Variants in RNASET2 observed in about 807,000 individuals in gnomAD.
RNASET2 encodes the protein ribonuclease T2.
In RNASET2, 28 loss-of-function variants were observed where a neutral mutation model predicts 33.9. The ratio of observed to expected loss-of-function variants is 0.83; its 90% CI spans 0.61 to 1.13. The LOEUF (loss-of-function observed/expected upper bound fraction) is 1.13, where lower values mean the gene tolerates loss of function less well. Ranked by LOEUF, RNASET2 falls within the 50% of genes most tolerant of loss-of-function variation. The probability of loss-of-function intolerance (pLI) is 0.00; values close to 1 mark genes in which losing one functional copy is unlikely to be tolerated. For missense variants in RNASET2, 330 were observed against 319.9 expected, an observed-to-expected ratio of 1.03 and a Z score of -0.24; for synonymous variants, 123 against 121.0, an observed-to-expected ratio of 1.02 and a Z score of -0.11.
rs1653675367 is a variant in RNASET2, at chr6:166,927,817, T to C, written c.*1771A>G. On this transcript the variant is annotated 3_prime_UTR_variant, in exon 9 of 9. Transcript: ENST00000508775. ...CCACTCCCTGAGGACGCAGAGCAAA[T>C]GCAGGAAATCACGCCCTTCCAGGTG... is the stretch of plus-strand genomic sequence containing the variant. Among the ~76,000 whole-genome samples, 1 of 147,920 alleles carries C rather than the reference T, an allele frequency of 6.8e-6. No individual in the cohort carries two copies. Among genetic ancestry groups the C allele is most frequent in the Non-Finnish European group, 1.5e-5 (1 of 67,534 alleles).
In RNASET2 at chr6:166,927,713, CAAAAAA is replaced by C. The variant is rs58837223; in HGVS notation, c.*1869_*1874del. Among the ~76,000 whole-genome samples, 2 of 47,342 alleles carry C rather than the reference CAAAAAA, an allele frequency of 4.2e-5. No individual in the cohort carries two copies. Among genetic ancestry groups the C allele is most frequent in the African/African-American group, 8.6e-5 (1 of 11,648 alleles). 31.1% of individuals were successfully genotyped at this position (47,342 alleles called of 152,430 possible). On this transcript the variant is annotated 3_prime_UTR_variant, in exon 9 of 9. Coordinates refer to ENST00000508775, the MANE Select transcript of RNASET2 (RefSeq NM_003730.6). ...TGATCCCTGTGTTCGCAAAATGACT[CAAAAAA>C]AAAAAAAAAAAAAAAAAGAATTGAC...
intron 8 of RNASET2, 43 bp downstream of exon 8, chr6:166,931,001 G>T: frequency 7.3e-7 from 1 of 1,376,318 alleles, no homozygotes; most frequent in Non-Finnish European, 1.0e-6. Flanking sequence ...AGTAGAACCT[G>T]TCTTCTTGAG....
intron 2 of RNASET2, among the ~76,000 whole-genome samples, chr6:166,949,475 T>C (rs1778930445): frequency 8.6e-6 from 1 of 116,716 alleles, no homozygotes; most frequent in Admixed American, 1.3e-4. Context: ...CACTCCAGCC[T>C]GGGTGATAGA....
chr6:166,930,572 CACACATGCACACACACA>C (rs1778399252), intron 8 of RNASET2, among the ~76,000 whole-genome samples: 4 of 144,810 alleles, frequency 2.8e-5, no homozygotes, highest in Admixed American at 2.7e-4. Context: ...AGAACATGCA[CACACATGCACACACACA>C]GCACATGCAC....
rs1264457753 is a variant in RNASET2, at chr6:166,925,514, GGTCCAGCCCTTGCCTCCCCC to G, written c.*4054_*4073del. 6.8e-6 allele frequency among the ~76,000 whole-genome samples: 1 copy of G among 147,706 alleles called. No homozygotes were observed. Among genetic ancestry groups the G allele is most frequent in the East Asian group, 2.0e-4 (1 of 4,902 alleles). ...TCCCCTGTCCAGCCCTCACCTCCCC[GGTCCAGCCCTTGCCTCCCCC>G]GTCCAGCCCTCACCTCCATCATGCA... On this transcript the variant is annotated 3_prime_UTR_variant, in exon 9 of 9. Coordinates refer to ENST00000508775, the MANE Select transcript of RNASET2 (RefSeq NM_003730.6).
At position 166,929,362 on chromosome 6, in the gene RNASET2, T is replaced by G; in HGVS notation, c.*226A>C. On this transcript the variant is annotated 3_prime_UTR_variant, in exon 9 of 9. Coordinates refer to ENST00000508775, the MANE Select transcript of RNASET2 (RefSeq NM_003730.6). ...TTAATAGAGAAAAAAAAAAACAATCTGTGAGCTTTATCCCAAGCACAAAAC... is the reference window on the plus strand; with the variant it reads ...TTAATAGAGAAAAAAAAAAACAATCGGTGAGCTTTATCCCAAGCACAAAAC... The G allele has an allele frequency of 1.7e-6, 1 of 591,590 alleles. No homozygotes were observed. The highest frequency in any genetic ancestry group is 2.0e-5 in the South Asian group (1 of 50,420). The allele number at this position is 591,590 out of a possible 1,614,324, so 36.6% of individuals were successfully genotyped here.
At chr6:166,954,020 C>T (rs913168976) in intron 1 of RNASET2, among the ~76,000 whole-genome samples, 1 of 152,266 alleles carries the variant, frequency 6.6e-6, no homozygotes, top group Non-Finnish European at 1.5e-5. Flanking sequence ...ATGAGACTAT[C>T]AATATGCTTA....
intron 4 of RNASET2, among the ~76,000 whole-genome samples, chr6:166,944,443 G>A (rs560181365): frequency 6.6e-6 from 1 of 151,522 alleles, no homozygotes; most frequent in South Asian, 2.1e-4. Flanking sequence ...CTGTGTGGGC[G>A]CAGCTCTGTC....
chr6:166,934,919 C>T (rs1315118979), intron 6 of RNASET2: 1 of 152,224 alleles, frequency 6.6e-6, no homozygotes, highest in Non-Finnish European at 1.5e-5. Flanking sequence ...ATAGAATTCA[C>T]TTATTAAAGT....
rs146779634 is a variant in RNASET2, at chr6:166,925,977, G to A, written c.*3611C>T. ...GTGTGATCTGGGAGCAGAGAGCCAT[G>A]GTTGGTTACGGAGAGTGGCACAAAC... On this transcript the variant is annotated 3_prime_UTR_variant, in exon 9 of 9. Transcript: ENST00000508775. 9.5e-4 allele frequency among the ~76,000 whole-genome samples: 144 copies of A among 152,338 alleles called. No homozygotes were observed. Among genetic ancestry groups the A allele is most frequent in the African/African-American group, 3.4e-3 (142 of 41,558 alleles).
chr6:166,944,738 A>C (rs910927334), intron 4 of RNASET2, among the ~76,000 whole-genome samples: 29 of 151,032 alleles, frequency 1.9e-4, no homozygotes, highest in Non-Finnish European at 2.8e-4. Context: ...GGGGATATGC[A>C]GTCCTACGGT....
intron 1 of RNASET2, among the ~76,000 whole-genome samples, chr6:166,955,317 GCA>G (rs1241137068): frequency 0.038 from 1,771 of 46,524 alleles, 82 homozygotes; most frequent in African/African-American, 0.17. Flanking sequence ...CGACACACAC[GCA>G]CACACACGCA....
Position 166,924,366 on chromosome 6 carries a change from T to C in RNASET2, c.*5222A>G, listed in dbSNP as rs1198956421. 6.6e-6 allele frequency among the ~76,000 whole-genome samples: 1 copy of C among 152,228 alleles called. No individual in the cohort carries two copies. Among genetic ancestry groups the C allele is most frequent in the East Asian group, 1.9e-4 (1 of 5,200 alleles). Reference sequence around the variant, plus strand: ...CGCCTGCCTTGGCCTCCCAAAGTGCTGGTATTACAGGCATGAGCCACCACG... The same window carrying C: ...CGCCTGCCTTGGCCTCCCAAAGTGCCGGTATTACAGGCATGAGCCACCACG... On this transcript the variant is annotated 3_prime_UTR_variant, in exon 9 of 9. Transcript: ENST00000508775.
rs1562507443 is a variant in RNASET2, at chr6:166,955,335, GCACACGCACACGCACGCACACA to G, written c.86+740_86+761del. On this transcript the variant is annotated intron_variant, in intron 1 of 8. Coordinates refer to ENST00000508775, the MANE Select transcript of RNASET2 (RefSeq NM_003730.6). ...CACACACGCACACACACGCACGCAC[GCACACGCACACGCACGCACACA>G]CACACGCACACACAAACGCACACGC... is the stretch of plus-strand genomic sequence containing the variant. The G allele has an allele frequency of 0.022, 1,808 of 83,362 alleles. 115 individuals are homozygous for G. In the East Asian group the frequency reaches 0.28, roughly 13 times the overall value. 5.2% of individuals were successfully genotyped at this position (83,362 alleles called of 1,614,324 possible). A position where few individuals can be genotyped will look rare whatever the true frequency, so the allele number is the denominator to read the frequency against.
chr6:166,927,777 A>G lies in RNASET2; in HGVS notation c.*1811T>C, dbSNP rs1057416634. The stretch of plus-strand genomic sequence containing the variant: ...AAAGGACTCTGAGGCTTAAGAGTCC[A>G]ACTCTAAAGTACACCCACTCCCTGA... On this transcript the variant is annotated 3_prime_UTR_variant, in exon 9 of 9. Transcript: ENST00000508775. 6.6e-6 allele frequency among the ~76,000 whole-genome samples: 1 copy of G among 151,580 alleles called. No individual in the cohort carries two copies. The highest frequency in any genetic ancestry group is 1.5e-5 in the Non-Finnish European group (1 of 67,952).
At position 166,926,167 on chromosome 6, in the gene RNASET2, C is replaced by T. The variant is rs200831246; in HGVS notation, c.*3421G>A. Reference sequence around the variant, plus strand: ...AAATTTTTTTAAAAAGTTTCCAGTTCACTTTGAGGTTTCTACCTGGAATAA... The same window carrying T: ...AAATTTTTTTAAAAAGTTTCCAGTTTACTTTGAGGTTTCTACCTGGAATAA... On this transcript the variant is annotated 3_prime_UTR_variant, in exon 9 of 9. Transcript: ENST00000508775. Among the ~76,000 whole-genome samples the T allele has an allele frequency of 2.6e-5, 4 of 152,136 alleles. No individual in the cohort carries two copies. The East Asian group carries it at 5.8e-4, about 22-fold the overall frequency.
chr6:166,952,249 T>G (rs1159950900), intron 2 of RNASET2, among the ~76,000 whole-genome samples: 1 of 152,184 alleles, frequency 6.6e-6, no homozygotes, highest in East Asian at 1.9e-4. Flanking sequence ...TCCAGGACCG[T>G]GAGAATAAAT....
intron 3 of RNASET2, 60 bp from the exon 4 acceptor site, chr6:166,946,799 T>C (rs1203454522): frequency 7.3e-6 from 7 of 962,492 alleles, no homozygotes; most frequent in Non-Finnish European, 1.2e-5. Context: ...GGGTGGCTTC[T>C]ACATGACCTT....
At chr6:166,954,938 C>A (rs1033142151) in intron 1 of RNASET2, among the ~76,000 whole-genome samples, 1 of 152,188 alleles carries the variant, frequency 6.6e-6, no homozygotes, top group East Asian at 1.9e-4. Context: ...TTGCAGTGAG[C>A]TGAGGTCACG....
Sources: gnomAD v4.1 joint callset for allele counts (sites outside exome capture counted in the v4.1 genomes callset) on GRCh38, gnomAD v4.1.1 for gene constraint, MANE v1.5 for transcripts, NCBI Gene and HGNC (gene_info 2026-07-23, HGNC 2026-07-21) for gene names.